RASAL2: variants seen among roughly 807,000 people sequenced by gnomAD.
RASAL2 encodes ras GTPase-activating protein nGAP.
Under a neutral mutation model 128.9 loss-of-function variants are expected in RASAL2, and 58 were observed. The ratio of observed to expected loss-of-function variants is 0.45; its 90% CI spans 0.36 to 0.56. The LOEUF (loss-of-function observed/expected upper bound fraction) is 0.56, where lower values mean the gene tolerates loss of function less well. Ranked by LOEUF, RASAL2 falls within the 20% of genes least tolerant of loss-of-function variation. The pLI is 0.00. For missense variants in RASAL2, 1,360 were observed against 1,601.6 expected (o/e 0.85, Z 2.57); for synonymous variants, 561 against 580.8 (o/e 0.97, Z 0.49).
At chr1:178,414,250 G>T (rs1674603073) in intron 4 of RASAL2, among the ~76,000 whole-genome samples, 1 of 152,142 alleles carries the variant, frequency 6.6e-6, no homozygotes, top group Admixed American at 6.6e-5. Flanking sequence ...TTCTAGAAAA[G>T]GTAAAACTAT....
intron 1 of RASAL2, among the ~76,000 whole-genome samples, chr1:178,189,712 C>T (rs1325091869): frequency 6.6e-6 from 1 of 152,062 alleles, no homozygotes; most frequent in African/African-American, 2.4e-5. Flanking sequence ...GTATACATCC[C>T]TGGGAGTACA....
At chr1:178,415,970 G>A (rs145160135) in intron 4 of RASAL2, among the ~76,000 whole-genome samples, 1 of 151,822 alleles carries the variant, frequency 6.6e-6, no homozygotes, top group Non-Finnish European at 1.5e-5. Context: ...TGAGTTTCTG[G>A]TAGATGATAT....
chr1:178,206,571 C>CTGCA (rs1482677569), intron 1 of RASAL2, among the ~76,000 whole-genome samples: 1 of 152,180 alleles, frequency 6.6e-6, no homozygotes, highest in African/African-American at 2.4e-5. Flanking sequence ...AGCTTCCTGG[C>CTGCA]TGCAAAGTCC....
At chr1:178,166,508 T>C (rs540877739) in intron 1 of RASAL2, among the ~76,000 whole-genome samples, 60 of 152,302 alleles carry the variant, frequency 3.9e-4, no homozygotes, top group African/African-American at 1.4e-3. Flanking sequence ...TGTGAGTAAA[T>C]GAAGCCAGTT....
chr1:178,473,422 T>C lies in RASAL2; in HGVS notation c.*183T>C. 1 of 683,066 alleles carries C rather than the reference T, an allele frequency of 1.5e-6. No individual in the cohort carries two copies. Among genetic ancestry groups the C allele is most frequent in the Non-Finnish European group, 2.4e-6 (1 of 412,550 alleles). 42.3% of individuals were successfully genotyped at this position (683,066 alleles called of 1,614,324 possible). A position where few individuals can be genotyped will look rare whatever the true frequency, so the allele number is the denominator to read the frequency against. Reference sequence around the variant, plus strand: ...ATAAGGCGGCGACTTCCAAGGTCAATGCTTTTCCCCCACATCTCTATGTAC... The same window carrying C: ...ATAAGGCGGCGACTTCCAAGGTCAACGCTTTTCCCCCACATCTCTATGTAC... On this transcript the variant is annotated 3_prime_UTR_variant, in exon 18 of 18. Transcript: ENST00000367649.
At position 178,149,393 on chromosome 1, in the gene RASAL2, A is replaced by G. The variant is rs530797064; in HGVS notation, c.202+54699A>G. Among the ~76,000 whole-genome samples the G allele has an allele frequency of 2.6e-5, 4 of 152,234 alleles. No homozygotes were observed. The East Asian group carries it at 7.7e-4, about 29-fold the overall frequency. On this transcript the variant is annotated intron_variant, in intron 1 of 17. Coordinates refer to ENST00000367649, the MANE Select transcript of RASAL2 (RefSeq NM_170692.4). ...ATTTCTGGCTGTTGTACAAATTGTC[A>G]GTATAAAATACTCTAAAATTGTTGT...
chr1:178,296,127 G>GTA (rs1381677199), intron 2 of RASAL2, among the ~76,000 whole-genome samples: 1 of 138,062 alleles, frequency 7.2e-6, no homozygotes, highest in Admixed American at 6.9e-5. Context: ...ATATATATGT[G>GTA]TATATATATG....
At chr1:178,157,813 G>A (rs1178624524) in intron 1 of RASAL2, among the ~76,000 whole-genome samples, 1 of 152,106 alleles carries the variant, frequency 6.6e-6, no homozygotes, top group African/African-American at 2.4e-5. Context: ...ATACTTTTCT[G>A]CAGAGTTTAT....
intron 1 of RASAL2, among the ~76,000 whole-genome samples, chr1:178,217,729 A>G (rs939235096): frequency 2.0e-5 from 3 of 152,212 alleles, no homozygotes; most frequent in African/African-American, 4.8e-5. Context: ...TTTTTGTTGA[A>G]GAGTCTTGCC....
intron 1 of RASAL2, among the ~76,000 whole-genome samples, chr1:178,169,797 A>G (rs1661645226): frequency 6.6e-6 from 1 of 152,022 alleles, no homozygotes; most frequent in Admixed American, 6.6e-5. Context: ...CAGTTTTAAA[A>G]TGAGGGTGGA....
At chr1:178,252,657 C>A (rs905285534) in intron 1 of RASAL2, among the ~76,000 whole-genome samples, 1 of 151,928 alleles carries the variant, frequency 6.6e-6, no homozygotes, top group Non-Finnish European at 1.5e-5. Flanking sequence ...CTATAAAGCT[C>A]AAGGAGGAAT....
intron 1 of RASAL2, among the ~76,000 whole-genome samples, chr1:178,101,640 A>G (rs184904308): frequency 2.0e-5 from 3 of 152,338 alleles, no homozygotes; most frequent in African/African-American, 7.2e-5. Context: ...CTTAAAGTCA[A>G]TAGTTTTTGA....
At chr1:178,366,579 T>TCCCCCCC (rs1349184536) in intron 3 of RASAL2, among the ~76,000 whole-genome samples, 2 of 31,112 alleles carry the variant, frequency 6.4e-5, no homozygotes, top group Non-Finnish European at 1.1e-4. Flanking sequence ...ACTTGGTACC[T>TCCCCCCC]CCCACCCCCC....
At chr1:178,352,592 T>G (rs1420831677) in intron 3 of RASAL2, among the ~76,000 whole-genome samples, 1 of 152,168 alleles carries the variant, frequency 6.6e-6, no homozygotes, top group African/African-American at 2.4e-5. Flanking sequence ...GTCTGTAGGA[T>G]GGTGGCCCTC....
intron 2 of RASAL2, among the ~76,000 whole-genome samples, chr1:178,296,057 ATG>A (rs1192013242): frequency 5.9e-5 from 9 of 151,612 alleles, no homozygotes; most frequent in Non-Finnish European, 7.4e-5. Context: ...GTGTATATAT[ATG>A]TGTGTGTATA....
intron 3 of RASAL2, among the ~76,000 whole-genome samples, chr1:178,323,730 T>C (rs1373125992): frequency 6.6e-6 from 1 of 152,342 alleles, no homozygotes; most frequent in African/African-American, 2.4e-5. Flanking sequence ...ATTTCTTATA[T>C]TTATAGAGAA....
chr1:178,190,743 A>G (rs1295492233), intron 1 of RASAL2, among the ~76,000 whole-genome samples: 1 of 152,132 alleles, frequency 6.6e-6, no homozygotes, highest in Non-Finnish European at 1.5e-5. Context: ...AGTTAAAAAA[A>G]AAAAAAATCC....
Position 178,342,274 on chromosome 1 carries a change from G to A in RASAL2, c.457+42156G>A, listed in dbSNP as rs535947774. ...TCTCTCCATTTTCAATGAAAATTTT[G>A]TGGTCTAAGGTACTTGCCCAAGGTC... On this transcript the variant is annotated intron_variant, in intron 3 of 17. Transcript: ENST00000367649. Among the ~76,000 whole-genome samples the A allele has an allele frequency of 9.6e-4, 146 of 152,266 alleles. 1 individual carries two copies. The highest frequency in any genetic ancestry group is 3.3e-3 in the African/African-American group (139 of 41,572).
At chr1:178,233,020 A>G (rs1664076006) in intron 1 of RASAL2, among the ~76,000 whole-genome samples, 2 of 152,184 alleles carry the variant, frequency 1.3e-5, no homozygotes, top group African/African-American at 2.4e-5. Flanking sequence ...TCCTTTGGAA[A>G]TCTTGACTTT....
Sources: gnomAD v4.1 joint callset for allele counts (sites outside exome capture counted in the v4.1 genomes callset) on GRCh38, gnomAD v4.1.1 for gene constraint, MANE v1.5 for transcripts, NCBI Gene and HGNC (gene_info 2026-07-23, HGNC 2026-07-21) for gene names.